The following PIAS1 variants were observed in gnomAD, a reference collection of about 807,000 sequenced individuals.
PIAS1 encodes the protein E3 SUMO-protein ligase PIAS1.
A neutral mutation model predicts 71.3 loss-of-function variants in PIAS1; 6 were observed. That is an observed-to-expected ratio of 0.08 (90% confidence interval 0.05 to 0.17). The LOEUF (loss-of-function observed/expected upper bound fraction) is 0.17, where lower values mean the gene tolerates loss of function less well. Among genes scored for constraint, PIAS1 ranks in the 10% least tolerant of loss-of-function variants. PIAS1 has a pLI of 1.00. For missense variants in PIAS1, 555 were observed against 793.6 expected (o/e 0.70, Z 3.61); for synonymous variants, 303 against 292.9 (o/e 1.03, Z -0.35).
At chr15:68,103,829 C>T (rs1438568720) in intron 2 of PIAS1, among the ~76,000 whole-genome samples, 2 of 152,096 alleles carry the variant, frequency 1.3e-5, no homozygotes, top group African/African-American at 4.8e-5. Flanking sequence ...ATGGATATAC[C>T]ACATTTTGTT....
intron 1 of PIAS1, among the ~76,000 whole-genome samples, chr15:68,069,015 C>A (rs2092062565): frequency 6.6e-6 from 1 of 150,522 alleles, no homozygotes; most frequent in Non-Finnish European, 1.5e-5. Context: ...CCTGGCTCAG[C>A]TGCCCCAGTA....
chr15:68,149,322 A>C (rs1595767016), intron 6 of PIAS1, among the ~76,000 whole-genome samples: 4 of 146,752 alleles, frequency 2.7e-5, no homozygotes, highest in Admixed American at 6.8e-5. Context: ...ATTCTCCTGC[A>C]TTACTTTTTT....
chr15:68,142,246 A>G (rs560496944), intron 3 of PIAS1, 44 bp from the exon 4 acceptor site: 4 of 1,515,834 alleles, frequency 2.6e-6, no homozygotes, highest in Admixed American at 3.5e-5. Flanking sequence ...ACTTTCATGC[A>G]AATACTTTAA....
chr15:68,108,423 C>T (rs1046945802), intron 2 of PIAS1, among the ~76,000 whole-genome samples: 1 of 152,050 alleles, frequency 6.6e-6, no homozygotes, highest in African/African-American at 2.4e-5. Context: ...CTTGATTTTC[C>T]TCCTATCATG....
intron 1 of PIAS1, among the ~76,000 whole-genome samples, chr15:68,080,411 C>T (rs953593270): frequency 6.6e-6 from 1 of 152,096 alleles, no homozygotes; most frequent in Admixed American, 6.5e-5. Context: ...GAGGAGTAGG[C>T]ACTACAGGTC....
At position 68,075,051 on chromosome 15, in the gene PIAS1, AAAT is replaced by A. The variant is rs2092143299; in HGVS notation, c.25-11252_25-11250del. On this transcript the variant is annotated intron_variant, in intron 1 of 13. Transcript: ENST00000249636. Reference sequence around the variant, plus strand: ...GTACATTAATGGAATTTTTGAAAGAAAATAAAAACATTTTCTTTCTTTCTTTCT... The same window carrying A: ...GTACATTAATGGAATTTTTGAAAGAAAAAAACATTTTCTTTCTTTCTTTCT... Among the ~76,000 whole-genome samples the A allele has an allele frequency of 2.6e-5, 4 of 151,168 alleles. No homozygotes were observed. In the South Asian group the frequency reaches 8.3e-4, roughly 31 times the overall value.
Position 68,142,013 on chromosome 15 carries a change from G to A in PIAS1, c.537G>A (p.Gln179=). 1.9e-6 allele frequency: 3 copies of A among 1,601,338 alleles called. No homozygotes were observed. The South Asian group carries it at 3.4e-5, about 18-fold the overall frequency. The change falls in exon 3 of 14, where the codon CAG becomes CAA. Residue 179 remains glutamine (Q), a synonymous_variant. Transcript: ENST00000249636. ...TTGCCTTGACACCACAACAAGTGCAGCAAATCAGTAGTTCCATGTAAGTTG... is the reference window on the plus strand; with the variant it reads ...TTGCCTTGACACCACAACAAGTGCAACAAATCAGTAGTTCCATGTAAGTTG... ...FAFALTPQQV[Q]QISSSMDISG... is the part of the protein sequence containing the mutation.
At chr15:68,156,955 A>G (rs965676183) in intron 7 of PIAS1, among the ~76,000 whole-genome samples, 1 of 152,214 alleles carries the variant, frequency 6.6e-6, no homozygotes, top group African/African-American at 2.4e-5. Context: ...TTGTAATAGT[A>G]TACGTAAGAG....
intron 7 of PIAS1, among the ~76,000 whole-genome samples, chr15:68,160,334 C>G (rs538487037): frequency 3.9e-5 from 6 of 152,086 alleles, no homozygotes; most frequent in Non-Finnish European, 7.4e-5. Flanking sequence ...ACATAGATAT[C>G]GAAATATTCC....
At position 68,189,691 on chromosome 15, in the gene PIAS1, G is replaced by A. The variant is rs2093109929; in HGVS notation, c.*1856G>A. On this transcript the variant is annotated 3_prime_UTR_variant, in exon 14 of 14. Transcript: ENST00000249636. ...ACAAGTGTGTTTGAGTAACAAGTGA[G>A]TTTCATAGTCTTCCCCTACGCATGT... 6.6e-6 allele frequency: 1 copy of A among 152,014 alleles called. No individual in the cohort carries two copies. Among genetic ancestry groups the A allele is most frequent in the Non-Finnish European group, 1.5e-5 (1 of 68,004 alleles). The allele number at this position is 152,014 out of a possible 1,614,324, so 9.4% of individuals were successfully genotyped here.
intron 2 of PIAS1, among the ~76,000 whole-genome samples, chr15:68,113,592 G>A (rs190809057): frequency 1.3e-5 from 2 of 152,164 alleles, no homozygotes; most frequent in Non-Finnish European, 2.9e-5. Flanking sequence ...CTGCTTGGGA[G>A]TCTTTATAGA....
At chr15:68,108,495 C>T (rs1001543420) in intron 2 of PIAS1, among the ~76,000 whole-genome samples, 20 of 152,054 alleles carry the variant, frequency 1.3e-4, no homozygotes, top group African/African-American at 4.8e-4. Context: ...CACTCACTCC[C>T]TTGATGATTT....
Position 68,073,313 on chromosome 15 carries a change from G to A in PIAS1, c.25-12993G>A, listed in dbSNP as rs140568877. 2.6e-4 allele frequency among the ~76,000 whole-genome samples: 39 copies of A among 152,270 alleles called. No homozygotes were observed. The East Asian group carries it at 6.8e-3, about 26-fold the overall frequency. On this transcript the variant is annotated intron_variant, in intron 1 of 13. Transcript: ENST00000249636. ...ATTACAGGTGTGAGCCACCGTGCCCGGCGAGGTTATATGTGTAATTTCTAA... is the reference window on the plus strand; with the variant it reads ...ATTACAGGTGTGAGCCACCGTGCCCAGCGAGGTTATATGTGTAATTTCTAA...
chr15:68,106,117 T>G (rs1300411379), intron 2 of PIAS1, among the ~76,000 whole-genome samples: 1 of 152,078 alleles, frequency 6.6e-6, no homozygotes, highest in Non-Finnish European at 1.5e-5. Context: ...TGATACTTCC[T>G]CTTCCAGTTG....
intron 2 of PIAS1, among the ~76,000 whole-genome samples, chr15:68,122,574 T>A (rs2141021615): frequency 6.6e-6 from 1 of 152,356 alleles, no homozygotes; most frequent in East Asian, 1.9e-4. Flanking sequence ...AAAAAAATCC[T>A]TTCACAGTGG....
At chr15:68,182,411 G>A (rs888965371) in intron 12 of PIAS1, among the ~76,000 whole-genome samples, 3 of 143,524 alleles carry the variant, frequency 2.1e-5, no homozygotes, top group Admixed American at 7.3e-5. Flanking sequence ...CCCCATTCCC[G>A]GGAAGTTACA....
chr15:68,065,906 G>T (rs1280295647), intron 1 of PIAS1, among the ~76,000 whole-genome samples: 1 of 107,040 alleles, frequency 9.3e-6, no homozygotes, highest in Non-Finnish European at 1.7e-5. Flanking sequence ...ATGCTCAGCT[G>T]ACTAAAAGCT....
chr15:68,136,974 T>C (rs1039114115), intron 2 of PIAS1, among the ~76,000 whole-genome samples: 5 of 152,210 alleles, frequency 3.3e-5, no homozygotes, highest in African/African-American at 9.6e-5. Flanking sequence ...ATTTTAGATG[T>C]GAATTAAACT....
At chr15:68,090,307 A>G (rs528922952) in intron 2 of PIAS1, among the ~76,000 whole-genome samples, 1 of 151,878 alleles carries the variant, frequency 6.6e-6, no homozygotes, top group South Asian at 2.1e-4. Context: ...GGCTCATGCA[A>G]TTTTCCCAAC....
Sources: gnomAD v4.1 joint callset for allele counts (sites outside exome capture counted in the v4.1 genomes callset) on GRCh38, gnomAD v4.1.1 for gene constraint, MANE v1.5 for transcripts, NCBI Gene and HGNC (gene_info 2026-07-23, HGNC 2026-07-21) for gene names.